GRM8: variants seen among roughly 807,000 people sequenced by gnomAD.
GRM8 encodes glutamate metabotropic receptor 8.
A neutral mutation model predicts 87.2 loss-of-function variants in GRM8; 47 were observed. That is an observed-to-expected ratio of 0.54 (90% CI 0.43 to 0.69). The LOEUF is 0.69. Ranked by LOEUF, GRM8 falls within the 30% of genes least tolerant of loss-of-function variation. GRM8 has a pLI of 0.00. For missense variants in GRM8, 1,019 were observed against 1,139.2 expected (o/e 0.89, Z 1.52); for synonymous variants, 396 against 404.5 (o/e 0.98, Z 0.25).
intron 9 of GRM8, among the ~76,000 whole-genome samples, chr7:126,461,894 T>C (rs1387637627): frequency 6.6e-6 from 1 of 151,642 alleles, no homozygotes; most frequent in African/African-American, 2.4e-5. Flanking sequence ...AGTTATTTCA[T>C]TTTTCCCTTA....
chr7:127,002,739 C>A (rs940770381), intron 3 of GRM8, among the ~76,000 whole-genome samples: 1 of 151,614 alleles, frequency 6.6e-6, no homozygotes, highest in Non-Finnish European at 1.5e-5. Context: ...TAGGTTTCAG[C>A]CAGGAATGAT....
intron 9 of GRM8, among the ~76,000 whole-genome samples, chr7:126,453,612 A>G (rs1802892304): frequency 1.3e-5 from 2 of 151,798 alleles, no homozygotes; most frequent in African/African-American, 2.4e-5. Context: ...AGGAAGCTCA[A>G]GATCTGTTAA....
chr7:126,908,439 A>C (rs2535939), intron 3 of GRM8, among the ~76,000 whole-genome samples: 87,684 of 151,950 alleles, frequency 0.58, 25,426 homozygotes, highest in East Asian at 0.69. Context: ...GTAACACTCT[A>C]TAGGGAACAA....
intron 3 of GRM8, among the ~76,000 whole-genome samples, chr7:127,061,214 T>C (rs1277483358): frequency 6.6e-6 from 1 of 152,232 alleles, no homozygotes; most frequent in Non-Finnish European, 1.5e-5. Flanking sequence ...AATCATTGAA[T>C]TCACAGAAAG....
rs1203572256 is a variant in GRM8 at position 127,247,936 on chromosome 7, G to A, written c.-311-4421C>T. 2.0e-5 allele frequency among the ~76,000 whole-genome samples: 3 copies of A among 152,232 alleles called. No individual in the cohort carries two copies. The East Asian group carries it at 5.8e-4, about 29-fold the overall frequency. On this transcript the variant is annotated intron_variant, in intron 1 of 10. Coordinates refer to ENST00000339582, the MANE Select transcript of GRM8 (RefSeq NM_000845.3). ...TGTGAAAGCTCTTCTACACAAGCCA[G>A]CCTCATATTTTAAAAAATCTGATAC...
At chr7:126,834,548 G>T (rs1795672523) in intron 6 of GRM8, among the ~76,000 whole-genome samples, 1 of 152,254 alleles carries the variant, frequency 6.6e-6, no homozygotes, top group Non-Finnish European at 1.5e-5. Flanking sequence ...GGTTGTAAAT[G>T]GTTTCAACTA....
chr7:126,960,729 T>C (rs1157866866), intron 3 of GRM8, among the ~76,000 whole-genome samples: 2 of 152,192 alleles, frequency 1.3e-5, no homozygotes, highest in Non-Finnish European at 2.9e-5. Flanking sequence ...AATTCAAATA[T>C]GCAAATGGTA....
At chr7:126,497,025 G>C (rs147756108) in intron 9 of GRM8, among the ~76,000 whole-genome samples, 1 of 149,980 alleles carries the variant, frequency 6.7e-6, no homozygotes, top group Non-Finnish European at 1.5e-5. Flanking sequence ...ATCCCTTTGG[G>C]GGCAATAATG....
At chr7:127,220,434 T>C (rs1796847409) in intron 2 of GRM8, among the ~76,000 whole-genome samples, 1 of 152,202 alleles carries the variant, frequency 6.6e-6, no homozygotes, top group African/African-American at 2.4e-5. Context: ...AGAAAAAATG[T>C]TGACAGAATA....
In GRM8 at chr7:126,533,060, TG is replaced by T. The variant is rs1439316250; in HGVS notation, c.2321del (p.Pro774GlnfsTer22). 1 of 1,613,652 alleles carries T rather than the reference TG, an allele frequency of 6.2e-7. No individual in the cohort carries two copies. The highest frequency in any genetic ancestry group is 1.7e-5 in the Admixed American group (1 of 59,954). ...TAGGTTTGGCTTCATTGAAAGTCTC[TG>T]GGACACCTCTCGTTTTAATGGCATA... ...TVYAIKTRGV[P>X]ETFNEAKPIG... On this transcript the variant is annotated frameshift_variant, in exon 9 of 11. Coordinates refer to ENST00000339582, the MANE Select transcript of GRM8 (RefSeq NM_000845.3). LOFTEE classifies it high-confidence loss of function.
At chr7:126,822,565 T>A (rs1794389862) in intron 6 of GRM8, among the ~76,000 whole-genome samples, 1 of 151,472 alleles carries the variant, frequency 6.6e-6, no homozygotes. Context: ...CTTCATTCTC[T>A]CCCTTACTTT....
At chr7:127,052,784 T>C (rs1291926007) in intron 3 of GRM8, among the ~76,000 whole-genome samples, 1 of 152,192 alleles carries the variant, frequency 6.6e-6, no homozygotes, top group Non-Finnish European at 1.5e-5. Flanking sequence ...TTCTCATGTT[T>C]AGGAACTGAT....
chr7:127,073,256 C>T (rs940235324), intron 3 of GRM8, among the ~76,000 whole-genome samples: 6 of 152,166 alleles, frequency 3.9e-5, no homozygotes, highest in East Asian at 1.9e-4. Flanking sequence ...GGGCAGAAGG[C>T]CAGTGCCTCT....
Position 127,151,855 on chromosome 7 carries a change from G to A in GRM8, c.511-45143C>T, listed in dbSNP as rs1004413437. Among the ~76,000 whole-genome samples the A allele has an allele frequency of 4.9e-4, 74 of 152,002 alleles. 1 individual carries two copies. Among genetic ancestry groups the A allele is most frequent in the Non-Finnish European group, 8.8e-5 (6 of 67,968 alleles). ...ACACTTTTCTTCTCTTGGAACTACT[G>A]AATGTAGATTATAGTCTATATTCTG... On this transcript the variant is annotated intron_variant, in intron 2 of 10. Coordinates refer to ENST00000339582, the MANE Select transcript of GRM8 (RefSeq NM_000845.3).
intron 2 of GRM8, among the ~76,000 whole-genome samples, chr7:127,209,163 T>C (rs1796075560): frequency 6.6e-6 from 1 of 152,178 alleles, no homozygotes; most frequent in African/African-American, 2.4e-5. Flanking sequence ...ATTTAGCACC[T>C]AGAACAAGAC....
chr7:127,108,888 G>C (rs2133102161), intron 2 of GRM8, among the ~76,000 whole-genome samples: 1 of 152,230 alleles, frequency 6.6e-6, no homozygotes, highest in Admixed American at 6.5e-5. Context: ...GTATGCATTT[G>C]TATTTTTATT....
chr7:126,892,021 TAAAAAAAAAAAA>T (rs5887316), intron 6 of GRM8, among the ~76,000 whole-genome samples: 1 of 95,072 alleles, frequency 1.1e-5, no homozygotes, highest in African/African-American at 4.2e-5. Flanking sequence ...TCTTGCAGGG[TAAAAAAAAAAAA>T]AAAAAAAAAA....
At chr7:127,011,792 C>T (rs1265419797) in intron 3 of GRM8, among the ~76,000 whole-genome samples, 2 of 152,066 alleles carry the variant, frequency 1.3e-5, no homozygotes, top group African/African-American at 4.8e-5. Context: ...TGTGATAGTA[C>T]TTTCTTACCT....
intron 7 of GRM8, among the ~76,000 whole-genome samples, chr7:126,664,509 A>G (rs1805549221): frequency 6.6e-6 from 1 of 152,178 alleles, no homozygotes; most frequent in Non-Finnish European, 1.5e-5. Context: ...GTTGACAAAA[A>G]TAAGCAATGG....
Sources: allele counts gnomAD v4.1 joint callset (sites outside exome capture counted in the v4.1 genomes callset), GRCh38; gene constraint gnomAD v4.1.1; transcripts MANE v1.5; gene names NCBI Gene and HGNC (gene_info 2026-07-23, HGNC 2026-07-21).